MON2: variants seen among roughly 807,000 people sequenced by gnomAD.
MON2 encodes the protein protein MON2 homolog.
MON2 carries 84 observed loss-of-function variants against 208.6 expected under a neutral mutation model. That is an observed-to-expected ratio of 0.40 (90% CI 0.34 to 0.48). The LOEUF (loss-of-function observed/expected upper bound fraction) is 0.48, where lower values mean the gene tolerates loss of function less well. Among genes scored for constraint, MON2 ranks in the 20% least tolerant of loss-of-function variants. MON2 has a pLI of 0.59. For synonymous variants in MON2, 660 were observed against 694.0 expected, an observed-to-expected ratio of 0.95 and a Z score of 0.77; for missense variants, 1,611 against 2,015.4, an observed-to-expected ratio of 0.80 and a Z score of 3.84.
chr12:62,485,487 C>T (rs2136008867), intron 2 of MON2, among the ~76,000 whole-genome samples: 1 of 152,252 alleles, frequency 6.6e-6, no homozygotes. Flanking sequence ...GGAAATTTGC[C>T]CTTAGCATAA....
chr12:62,583,151 G>T (rs143474567), intron 32 of MON2, among the ~76,000 whole-genome samples: 1 of 152,132 alleles, frequency 6.6e-6, no homozygotes, highest in African/African-American at 2.4e-5. Flanking sequence ...GGGCAACATG[G>T]CAAAACCCCA....
intron 7 of MON2, 37 bp downstream of exon 7, chr12:62,501,735 T>C (rs368510192): frequency 6.8e-6 from 11 of 1,608,402 alleles, no homozygotes; most frequent in African/African-American, 1.3e-5. Context: ...AAAGTTAATC[T>C]GAATTGTTTT....
At chr12:62,549,061 T>G (rs889023799) in intron 22 of MON2, among the ~76,000 whole-genome samples, 16 of 152,194 alleles carry the variant, frequency 1.1e-4, no homozygotes, top group African/African-American at 3.9e-4. Flanking sequence ...ATTTATTGTC[T>G]AAGTTTTCTT....
rs1376806867 is a variant in MON2 at position 62,525,132 on chromosome 12, T to C, written c.1158T>C (p.Phe386=). The stretch of plus-strand genomic sequence containing the variant: ...TGAAACAGCATTCTACCAAGGTTTT[T>C]CGTGATATTGTAAATGCACTGGGAT... ...YDMKQHSTKV[F]RDIVNALGSF... Residue 386 remains phenylalanine, a synonymous_variant, in exon 10 of 35, where the codon TTT becomes TTC. Coordinates refer to ENST00000393630, the MANE Select transcript of MON2 (RefSeq NM_015026.3). 1.9e-6 allele frequency: 3 copies of C among 1,611,892 alleles called. No homozygotes were observed. Among genetic ancestry groups the C allele is most frequent in the Non-Finnish European group, 1.7e-6 (2 of 1,178,170 alleles).
chr12:62,516,833 A>T (rs2071722629), intron 8 of MON2, among the ~76,000 whole-genome samples: 2 of 152,224 alleles, frequency 1.3e-5, no homozygotes. Context: ...GTATCAGAAT[A>T]TTTCATTTAC....
At chr12:62,557,442 C>T (rs917752968) in intron 25 of MON2, among the ~76,000 whole-genome samples, 1 of 152,184 alleles carries the variant, frequency 6.6e-6, no homozygotes, top group East Asian at 1.9e-4. Flanking sequence ...ATGCAGCCTC[C>T]TATAACAAAG....
intron 1 of MON2, among the ~76,000 whole-genome samples, chr12:62,473,722 A>G (rs1195842419): frequency 1.3e-5 from 2 of 152,090 alleles, no homozygotes; most frequent in Non-Finnish European, 2.9e-5. Context: ...GGCAGATGCC[A>G]CCACGGCTGG....
intron 32 of MON2, among the ~76,000 whole-genome samples, chr12:62,581,690 G>C (rs2075012245): frequency 6.6e-6 from 1 of 152,090 alleles, no homozygotes; most frequent in South Asian, 2.1e-4. Flanking sequence ...AATTAGCCAG[G>C]TGTGATGGCA....
At chr12:62,473,266 G>A (rs1029202905) in intron 1 of MON2, among the ~76,000 whole-genome samples, 21 of 152,148 alleles carry the variant, frequency 1.4e-4, no homozygotes, top group Non-Finnish European at 2.8e-4. Context: ...TTACAGATGA[G>A]GAAACTGGTA....
intron 7 of MON2, among the ~76,000 whole-genome samples, chr12:62,504,740 A>T (rs544156269): frequency 6.6e-6 from 1 of 152,220 alleles, no homozygotes; most frequent in Non-Finnish European, 1.5e-5. Context: ...CTTAAGTTTT[A>T]TGCCAAGTAT....
At chr12:62,591,734 A>G (rs1362203204) in intron 34 of MON2, among the ~76,000 whole-genome samples, 1 of 152,234 alleles carries the variant, frequency 6.6e-6, no homozygotes, top group Non-Finnish European at 1.5e-5. Flanking sequence ...GCCTTATTTC[A>G]GAAAGAATTT....
intron 33 of MON2, among the ~76,000 whole-genome samples, chr12:62,587,431 T>G (rs951542876): frequency 1.3e-5 from 2 of 151,952 alleles, no homozygotes; most frequent in African/African-American, 4.8e-5. Context: ...TATAAAATGT[T>G]TTAAGGGCAG....
chr12:62,567,291 CATCT>C lies in MON2; in HGVS notation c.4323+842_4323+845del, dbSNP rs545192080. 9.2e-5 allele frequency among the ~76,000 whole-genome samples: 14 copies of C among 152,288 alleles called. No homozygotes were observed. The South Asian group carries it at 2.7e-3, about 29-fold the overall frequency. On this transcript the variant is annotated intron_variant, in intron 29 of 34. Coordinates refer to ENST00000393630, the MANE Select transcript of MON2 (RefSeq NM_015026.3). ...TGATTATTTTCATTTTTCTTTCAGC[CATCT>C]CATACAAGGATTCTTAAGCCTTGGA...
At position 62,599,117 on chromosome 12, in the gene MON2, A is replaced by G. The variant is rs1438439449; in HGVS notation, c.*6368A>G. The G allele has an allele frequency of 1.7e-5, 1 of 58,786 alleles. No individual in the cohort carries two copies. The highest frequency in any genetic ancestry group is 3.5e-5 in the Non-Finnish European group (1 of 28,854). 3.6% of individuals were successfully genotyped at this position (58,786 alleles called of 1,614,324 possible). A position where few individuals can be genotyped will look rare whatever the true frequency, so the allele number is the denominator to read the frequency against. On this transcript the variant is annotated 3_prime_UTR_variant, in exon 35 of 35. Coordinates refer to ENST00000393630, the MANE Select transcript of MON2 (RefSeq NM_015026.3). ...ACATGTTTAGGATGATCACTTTGGGAAAAAAAAAATTATAGAGTAAAGGGG... is the reference window on the plus strand; with the variant it reads ...ACATGTTTAGGATGATCACTTTGGGGAAAAAAAAATTATAGAGTAAAGGGG...
chr12:62,520,894 A>G (rs1392474551), intron 8 of MON2, among the ~76,000 whole-genome samples: 1 of 143,196 alleles, frequency 7.0e-6, no homozygotes. Context: ...ATTTTTTTTG[A>G]GACTCCATCT....
At chr12:62,506,581 C>A (rs1190376327) in intron 7 of MON2, among the ~76,000 whole-genome samples, 1 of 152,028 alleles carries the variant, frequency 6.6e-6, no homozygotes, top group African/African-American at 2.4e-5. Flanking sequence ...CAAAAATTAG[C>A]CAGGTGTGGT....
At position 62,598,405 on chromosome 12, in the gene MON2, G is replaced by A. The variant is rs1274370866; in HGVS notation, c.*5656G>A. ...AAATCATTGCAATATATTAACAACT[G>A]CTTCCTTCTATGATGTTTACTAGAT... On this transcript the variant is annotated 3_prime_UTR_variant, in exon 35 of 35. Coordinates refer to ENST00000393630, the MANE Select transcript of MON2 (RefSeq NM_015026.3). 6.6e-6 allele frequency: 1 copy of A among 151,972 alleles called. No homozygotes were observed. Among genetic ancestry groups the A allele is most frequent in the Non-Finnish European group, 1.5e-5 (1 of 67,982 alleles). The allele number at this position is 151,972 out of a possible 1,614,324, so 9.4% of individuals were successfully genotyped here.
chr12:62,589,744 T>TAAAA (rs5798649), intron 34 of MON2, among the ~76,000 whole-genome samples: 2 of 113,628 alleles, frequency 1.8e-5, no homozygotes, highest in African/African-American at 3.3e-5. Context: ...ACCCCATCTT[T>TAAAA]AAAAAAAAAA....
At chr12:62,479,783 C>CT (rs901501394) in intron 1 of MON2, among the ~76,000 whole-genome samples, 17 of 150,504 alleles carry the variant, frequency 1.1e-4, no homozygotes, top group South Asian at 4.2e-4. Flanking sequence ...TTCTTTTCTT[C>CT]TTTTTTTTTG....
Sources: gnomAD v4.1 joint callset for allele counts (sites outside exome capture counted in the v4.1 genomes callset) on GRCh38, gnomAD v4.1.1 for gene constraint, MANE v1.5 for transcripts, NCBI Gene and HGNC (gene_info 2026-07-23, HGNC 2026-07-21) for gene names.